Variants in CORO2B observed in about 807,000 individuals in gnomAD.
CORO2B encodes coronin 2B, also known as coronin-2B.
CORO2B carries 26 observed loss-of-function variants against 58.8 expected under a neutral mutation model. That is an observed-to-expected ratio of 0.44 (90% CI 0.32 to 0.61). The LOEUF (loss-of-function observed/expected upper bound fraction) is 0.61, where lower values mean the gene tolerates loss of function less well. Ranked by LOEUF, CORO2B falls within the 20% of genes least tolerant of loss-of-function variation. The pLI is 0.04. For synonymous variants in CORO2B, 242 were observed against 253.8 expected, an observed-to-expected ratio of 0.95 and a Z score of 0.44; for missense variants, 460 against 645.1, an observed-to-expected ratio of 0.71 and a Z score of 3.11.
chr15:68,700,655 G>A (rs548210178), intron 3 of CORO2B, among the ~76,000 whole-genome samples: 4 of 152,180 alleles, frequency 2.6e-5, no homozygotes, highest in Admixed American at 1.3e-4. Context: ...AGTTCTTTCC[G>A]CTGCTGGGTG....
chr15:68,724,476 A>G (rs1232400461), intron 11 of CORO2B, among the ~76,000 whole-genome samples: 4 of 152,144 alleles, frequency 2.6e-5, no homozygotes, highest in Non-Finnish European at 4.4e-5. Flanking sequence ...CTATGGTAAA[A>G]TTCATCCTCT....
chr15:68,609,824 C>T (rs1346566668), intron 1 of CORO2B, among the ~76,000 whole-genome samples: 6 of 152,140 alleles, frequency 3.9e-5, no homozygotes, highest in Non-Finnish European at 8.8e-5. Flanking sequence ...GCCTGTGAGC[C>T]GCGTCACTGA....
chr15:68,519,763 T>A, the CORO2B span, among the ~76,000 whole-genome samples: 1 of 152,240 alleles, frequency 6.6e-6, no homozygotes, highest in Non-Finnish European at 1.5e-5. Flanking sequence ...GATACTTACA[T>A]AAGTGGCTTT....
chr15:68,646,990 TG>T (rs1901453556), intron 2 of CORO2B, among the ~76,000 whole-genome samples: 2 of 152,224 alleles, frequency 1.3e-5, no homozygotes, highest in African/African-American at 4.8e-5. Flanking sequence ...ACATGTGGGC[TG>T]GTTCTTACTG....
chr15:68,589,475 C>G (rs1198965021), intron 1 of CORO2B, among the ~76,000 whole-genome samples: 1 of 152,186 alleles, frequency 6.6e-6, no homozygotes, highest in Admixed American at 6.5e-5. Flanking sequence ...TGTTAGAGAT[C>G]TGTGGACTGC....
In CORO2B at chr15:68,645,834, C is replaced by T. The variant is rs921559039; in HGVS notation, c.216+474C>T. ...TGTCGTCCAGGCTGAAGTTCAATGG[C>T]GCGATCTCGGCTCACTGCAACCTCT... On this transcript the variant is annotated intron_variant, in intron 2 of 11. Coordinates refer to ENST00000261861, the MANE Select transcript of CORO2B (RefSeq NM_006091.5). This position sits in a 1 kb window ranked among gnomAD's most constrained non-coding sequence, Gnocchi z 4.5. 9.9e-5 allele frequency among the ~76,000 whole-genome samples: 15 copies of T among 151,976 alleles called. No individual in the cohort carries two copies. The highest frequency in any genetic ancestry group is 8.3e-4 in the South Asian group (4 of 4,810).
chr15:68,691,971 C>G (rs187116398), intron 2 of CORO2B, among the ~76,000 whole-genome samples: 3 of 152,326 alleles, frequency 2.0e-5, no homozygotes, highest in Admixed American at 6.5e-5. Context: ...CTTTTGCGAT[C>G]AGATGGAAGG....
the CORO2B span, among the ~76,000 whole-genome samples, chr15:68,541,924 TCCTTCCAC>T: frequency 6.6e-6 from 1 of 152,274 alleles, no homozygotes; most frequent in East Asian, 1.9e-4. Context: ...TACATTCAGT[TCCTTCCAC>T]CCTCTCAACC....
At chr15:68,696,907 T>TG (rs1319489344) in intron 3 of CORO2B, among the ~76,000 whole-genome samples, 2 of 152,202 alleles carry the variant, frequency 1.3e-5, no homozygotes, top group Non-Finnish European at 2.9e-5. Context: ...TGGCAGAGCC[T>TG]GGGTACCGGT....
chr15:68,558,403 T>C, the CORO2B span, among the ~76,000 whole-genome samples: 22,350 of 151,834 alleles, frequency 0.15, 2,028 homozygotes, highest in Middle Eastern at 0.25. Context: ...GGTCTCGCTT[T>C]GTTAACCAGG....
chr15:68,631,776 G>A (rs1480907631), intron 1 of CORO2B, among the ~76,000 whole-genome samples: 1 of 152,216 alleles, frequency 6.6e-6, no homozygotes, highest in African/African-American at 2.4e-5. Context: ...CAGAGACCCC[G>A]TGGGGCCAAT....
At chr15:68,711,457 C>T (rs1892915326) in intron 4 of CORO2B, 85 bp from the exon 5 acceptor site, 1 of 1,281,434 alleles carries the variant, frequency 7.8e-7, no homozygotes, top group African/African-American at 1.5e-5. Flanking sequence ...GCGCTTCTCC[C>T]AGGGCAGTCA....
intron 1 of CORO2B, among the ~76,000 whole-genome samples, chr15:68,614,705 C>T (rs539090596): frequency 3.9e-5 from 6 of 152,280 alleles, no homozygotes; most frequent in African/African-American, 4.8e-5. Context: ...TCTGGGGAAG[C>T]GGCTTCCTTT....
chr15:68,726,094 A>AC lies in CORO2B; in HGVS notation c.*125dup, dbSNP rs1274579608. The stretch of plus-strand genomic sequence containing the variant: ...GACAGGAGTGGGGGCCAGCCTGAGG[A>AC]CCCCCGCCTACCACCTCGAGAACTG... On this transcript the variant is annotated 3_prime_UTR_variant, in exon 12 of 12. Transcript: ENST00000261861. 6 of 1,267,862 alleles carry AC rather than the reference A, an allele frequency of 4.7e-6. No homozygotes were observed. The highest frequency in any genetic ancestry group is 2.5e-5 in the Admixed American group (1 of 39,688). The allele number at this position is 1,267,862 out of a possible 1,614,324, so 78.5% of individuals were successfully genotyped here. A position where few individuals can be genotyped will look rare whatever the true frequency, so the allele number is the denominator to read the frequency against.
chr15:68,614,228 T>G (rs553749771), intron 1 of CORO2B, among the ~76,000 whole-genome samples: 9 of 152,352 alleles, frequency 5.9e-5, no homozygotes, highest in African/African-American at 2.2e-4. Context: ...TCCAGATCTT[T>G]ATTGTTAAAT....
chr15:68,564,413 C>T, the CORO2B span, among the ~76,000 whole-genome samples: 12 of 152,042 alleles, frequency 7.9e-5, no homozygotes, highest in Non-Finnish European at 1.5e-4. Flanking sequence ...AAGCGATCCT[C>T]CCCCATCAGC....
the CORO2B span, among the ~76,000 whole-genome samples, chr15:68,554,203 G>A: frequency 6.6e-6 from 1 of 152,240 alleles, no homozygotes; most frequent in South Asian, 2.1e-4. Context: ...AGTAGGTGGC[G>A]CTATTGGTCA....
chr15:68,560,202 T>C, the CORO2B span, among the ~76,000 whole-genome samples: 5,582 of 152,340 alleles, frequency 0.037, 147 homozygotes, highest in Middle Eastern at 0.078. Flanking sequence ...CTGTGCTCCC[T>C]ACAGCTGGTC....
chr15:68,537,987 G>T, the CORO2B span, among the ~76,000 whole-genome samples: 144,286 of 152,318 alleles, frequency 0.95, 68,436 homozygotes, highest in East Asian at 1. Flanking sequence ...GTGGCGGGGA[G>T]CCTTGTTCAT....
Sources: gnomAD v4.1 joint callset for allele counts (sites outside exome capture counted in the v4.1 genomes callset) on GRCh38, gnomAD v4.1.1 for gene constraint, Gnocchi (gnomAD v3.1) non-coding constraint, MANE v1.5 for transcripts, NCBI Gene and HGNC (gene_info 2026-07-23, HGNC 2026-07-21) for gene names.